VPS8: variants seen among roughly 807,000 people sequenced by gnomAD.
VPS8 encodes the protein VPS8 subunit of CORVET complex.
VPS8 carries 129 observed loss-of-function variants against 216.4 expected under a neutral mutation model. The observed-to-expected ratio is 0.60, with a 90% CI of 0.52 to 0.69. VPS8 has a LOEUF of 0.69. VPS8 is among the 30% of genes least tolerant of loss of function. The pLI is 0.00. For missense variants in VPS8, 1,531 were observed against 1,683.5 expected (o/e 0.91, Z 1.59); for synonymous variants, 571 against 565.4 (o/e 1.01, Z -0.14).
chr3:184,817,574 C>T (rs1716609606), intron 1 of VPS8: 1 of 152,162 alleles, frequency 6.6e-6, no homozygotes, highest in Admixed American at 6.5e-5. Flanking sequence ...ATATGACCTG[C>T]AGTGGTTGAC....
At chr3:185,038,832 G>A (rs1759253391) in intron 46 of VPS8, among the ~76,000 whole-genome samples, 1 of 152,108 alleles carries the variant, frequency 6.6e-6, no homozygotes, top group South Asian at 2.1e-4. Flanking sequence ...GCAGCCCCCT[G>A]GACTGCCTCT....
intron 39 of VPS8, 50 bp from the exon 40 acceptor site, chr3:184,971,599 A>G: frequency 6.9e-7 from 1 of 1,452,760 alleles, no homozygotes; most frequent in Non-Finnish European, 9.5e-7. Context: ...AGGCTCTGAG[A>G]TTATCAGCAA....
chr3:184,977,267 G>T (rs1250346516), intron 40 of VPS8, among the ~76,000 whole-genome samples: 1 of 152,136 alleles, frequency 6.6e-6, no homozygotes, highest in Non-Finnish European at 1.5e-5. Flanking sequence ...CTTTTAAGAA[G>T]TGTCTGTTAA....
At chr3:185,031,336 C>T (rs918881372) in intron 46 of VPS8, among the ~76,000 whole-genome samples, 5 of 152,126 alleles carry the variant, frequency 3.3e-5, no homozygotes, top group Admixed American at 1.3e-4. Flanking sequence ...TGCGAGTTCT[C>T]ATAAACAACA....
At chr3:184,894,508 G>GTATATATATATATATATATATATA (rs756172890) in intron 22 of VPS8, among the ~76,000 whole-genome samples, 195 bp from the exon 23 acceptor site, 22 of 133,118 alleles carry the variant, frequency 1.7e-4, no homozygotes, top group East Asian at 1.1e-3. Context: ...ATATACACAC[G>GTATATATATATATATATATATATA]TATATATATA....
Position 184,829,491 on chromosome 3 carries a change from C to T in VPS8, c.223-3198C>T, listed in dbSNP as rs372833716. On this transcript the variant is annotated intron_variant, in intron 3 of 47. Coordinates refer to ENST00000625842, the MANE Select transcript of VPS8 (RefSeq NM_001009921.3). ...TTGGCCCCCCAGAGTGCTGGTATTA[C>T]AGGCATGAGCCCCTGTGCCCAGCTT... Among the ~76,000 whole-genome samples, 25 of 152,336 alleles carry T rather than the reference C, an allele frequency of 1.6e-4. No individual in the cohort carries two copies. In the South Asian group the frequency reaches 5.2e-3, roughly 32 times the overall value.
intron 36 of VPS8, chr3:184,944,621 C>T: frequency 1.0e-6 from 1 of 977,954 alleles, no homozygotes; most frequent in Non-Finnish European, 1.2e-6. Context: ...ATATTTTCCT[C>T]AGTATGATTT....
intron 7 of VPS8, among the ~76,000 whole-genome samples, chr3:184,841,407 A>C (rs1246963903): frequency 6.6e-6 from 1 of 152,128 alleles, no homozygotes; most frequent in Non-Finnish European, 1.5e-5. Flanking sequence ...CTGTAACATC[A>C]TTTTTAATGG....
At chr3:185,048,449 T>C in intron 46 of VPS8, 30 bp from the exon 47 acceptor site, 2 of 1,611,058 alleles carry the variant, frequency 1.2e-6, no homozygotes, top group Non-Finnish European at 1.7e-6. Context: ...CCACGTGATG[T>C]TGTTAATCGT....
At chr3:184,929,223 T>G (rs1363023453) in intron 32 of VPS8, among the ~76,000 whole-genome samples, 1 of 152,158 alleles carries the variant, frequency 6.6e-6, no homozygotes, top group African/African-American at 2.4e-5. Flanking sequence ...AGACAAAGTC[T>G]CCCTCTGTTG....
Position 184,862,971 on chromosome 3 carries a change from G to A in VPS8, c.1299G>A (p.Glu433=), listed in dbSNP as rs1158401737. 3.7e-6 allele frequency: 6 copies of A among 1,613,826 alleles called. No individual in the cohort carries two copies. The Admixed American group carries it at 5.0e-5, about 13-fold the overall frequency. Residue 433 remains glutamate, a synonymous_variant, in exon 16 of 48, where the codon GAG becomes GAA. Coordinates refer to ENST00000625842, the MANE Select transcript of VPS8 (RefSeq NM_001009921.3). ...ATGTGATTGATCGGCAAACACAAGA[G>A]GAATTGGAGACAGTGGAGATCTCAG... ...KLHVIDRQTQ[E]ELETVEISEV... is the part of the protein sequence containing the mutation.
intron 37 of VPS8, among the ~76,000 whole-genome samples, chr3:184,962,195 A>G (rs1409085103): frequency 6.6e-6 from 1 of 152,176 alleles, no homozygotes; most frequent in East Asian, 1.9e-4. Flanking sequence ...ATTGTTTCCA[A>G]TCTTTTGCTG....
chr3:184,921,427 C>T (rs921744641), intron 29 of VPS8, among the ~76,000 whole-genome samples: 1 of 152,176 alleles, frequency 6.6e-6, no homozygotes, highest in Non-Finnish European at 1.5e-5. Flanking sequence ...AAAATGTTCC[C>T]TCTCCTTAAG....
chr3:184,918,382 G>A (rs973958789), intron 28 of VPS8, among the ~76,000 whole-genome samples: 1 of 152,134 alleles, frequency 6.6e-6, no homozygotes, highest in African/African-American at 2.4e-5. Context: ...GTCTACCTTT[G>A]TACTTCAGAA....
chr3:184,830,537 A>T (rs990843130), intron 3 of VPS8, among the ~76,000 whole-genome samples: 2 of 152,226 alleles, frequency 1.3e-5, no homozygotes, highest in East Asian at 3.9e-4. Flanking sequence ...GTTTGGGGAT[A>T]ATTGATACTT....
At chr3:185,034,439 CTTT>C (rs1758591488) in intron 46 of VPS8, among the ~76,000 whole-genome samples, 1 of 152,150 alleles carries the variant, frequency 6.6e-6, no homozygotes, top group Non-Finnish European at 1.5e-5. Flanking sequence ...TTTATGTCTT[CTTT>C]TGAGAAATGT....
chr3:184,835,704 T>G (rs1460115762), intron 5 of VPS8, among the ~76,000 whole-genome samples: 2 of 142,246 alleles, frequency 1.4e-5, no homozygotes, highest in Non-Finnish European at 3.0e-5. Flanking sequence ...AAAATTTGGA[T>G]TTTTCTTTTT....
chr3:184,999,600 G>GT, intron 44 of VPS8, 96 bp from the exon 45 acceptor site: 1 of 1,403,360 alleles, frequency 7.1e-7, no homozygotes. Context: ...ATTTCTACTT[G>GT]TTAGAGATTT....
intron 37 of VPS8, among the ~76,000 whole-genome samples, chr3:184,958,849 CCA>C (rs1198847890): frequency 6.6e-6 from 1 of 151,856 alleles, no homozygotes; most frequent in African/African-American, 2.4e-5. Flanking sequence ...AGTTTTTTCT[CCA>C]GTTCCCCCAT....
Sources: allele counts gnomAD v4.1 joint callset (sites outside exome capture counted in the v4.1 genomes callset), GRCh38; gene constraint gnomAD v4.1.1; transcripts MANE v1.5; gene names NCBI Gene and HGNC (gene_info 2026-07-23, HGNC 2026-07-21).